The following MYH7 variants were observed in gnomAD, a reference collection of about 807,000 sequenced individuals.
MYH7 encodes the protein myosin-7.
Under a neutral mutation model 225.4 loss-of-function variants are expected in MYH7, and 129 were observed. That is an observed-to-expected ratio of 0.57 (90% CI 0.50 to 0.66). MYH7 has a LOEUF of 0.66. MYH7 is among the 30% of genes least tolerant of loss of function. MYH7 has a pLI of 0.00. For missense variants in MYH7, 1,649 were observed against 2,517.0 expected, an observed-to-expected ratio of 0.66 and a Z score of 7.38; for synonymous variants, 971 against 1,007.6, an observed-to-expected ratio of 0.96 and a Z score of 0.69.
At chr14:23,417,400 A>C in intron 31 of MYH7, 82 bp from the exon 32 acceptor site, 1 of 1,611,670 alleles carries the variant, frequency 6.2e-7, no homozygotes, top group Non-Finnish European at 8.5e-7. Flanking sequence ...GCCTGGGCTC[A>C]GCCCTCCTCC....
intron 28 of MYH7, 66 bp downstream of exon 28, chr14:23,419,417 G>A (rs2138651897): frequency 6.2e-7 from 1 of 1,611,838 alleles, no homozygotes; most frequent in Middle Eastern, 1.8e-4. Context: ...TGTGCCCGAG[G>A]CTGGAGTGGC....
At chr14:23,434,373 G>A (rs2138688496) in intron 1 of MYH7, 124 bp from the exon 2 acceptor site, 1 of 591,134 alleles carries the variant, frequency 1.7e-6, no homozygotes, top group Non-Finnish European at 2.1e-6. Context: ...TGGAAAGGGT[G>A]GTCAGCTTCT....
At position 23,423,835 on chromosome 14, in the gene MYH7, C is replaced by A; in HGVS notation, c.2922+72G>T. On this transcript the variant is annotated intron_variant, in intron 23 of 39. Transcript: ENST00000355349. ...TGCTCTCTGGATGCCGAGTGGCTAGCCTGGGTCAAGGTCAGTATGGTCTGA... is the reference window on the plus strand; with the variant it reads ...TGCTCTCTGGATGCCGAGTGGCTAGACTGGGTCAAGGTCAGTATGGTCTGA... The A allele has an allele frequency of 5.6e-6, 9 of 1,613,534 alleles. No individual in the cohort carries two copies. The South Asian group carries it at 9.9e-5, about 18-fold the overall frequency.
chr14:23,416,135 G>A lies in MYH7; in HGVS notation c.4822C>T (p.Arg1608Cys), dbSNP rs746571601. The change falls in exon 34 of 40, where the codon CGC (arginine) becomes TGC (cysteine). Residue 1608 changes from arginine to cysteine, a missense_variant. Arg to Cys is a radical substitution (Grantham distance 180). This residue lies in a region of MYH7 where 687 missense variants were observed against 913.8 expected (regional missense o/e 0.75). Coordinates refer to ENST00000355349, the MANE Select transcript of MYH7 (RefSeq NM_000257.4). ...TTCTTCACCCTCAGGGCCTCGTTGCGGCTGCGTGTCTCTGCGTCCAGGGAG... is the reference window on the plus strand; with the variant it reads ...TTCTTCACCCTCAGGGCCTCGTTGCAGCTGCGTGTCTCTGCGTCCAGGGAG... ...QTSLDAETRS[R>C]NEALRVKKKM... The A allele has an allele frequency of 6.2e-6, 10 of 1,614,020 alleles. No individual in the cohort carries two copies. Among genetic ancestry groups the A allele is most frequent in the East Asian group, 4.5e-5 (2 of 44,890 alleles).
At chr14:23,416,788 G>T in intron 33 of MYH7, 80 bp downstream of exon 33, 1 of 1,606,576 alleles carries the variant, frequency 6.2e-7, no homozygotes, top group South Asian at 1.1e-5. Context: ...TGAACAAAAC[G>T]GACAAAGCGG....
intron 39 of MYH7, 68 bp downstream of exon 39, chr14:23,413,691 T>A (rs1423475491): frequency 2.5e-6 from 4 of 1,606,568 alleles, no homozygotes; most frequent in Non-Finnish European, 3.4e-6. Context: ...GCATCCCGGG[T>A]TTGAGGGTGC....
rs140581967 is a variant in MYH7, at chr14:23,414,311, G to A, written c.5560-209C>T. Among the ~76,000 whole-genome samples, 313 of 152,244 alleles carry A rather than the reference G, an allele frequency of 2.1e-3. 1 individual carries two copies. The highest frequency in any genetic ancestry group is 6.9e-3 in the African/African-American group (286 of 41,546). On this transcript the variant is annotated intron_variant, in intron 37 of 39. Coordinates refer to ENST00000355349, the MANE Select transcript of MYH7 (RefSeq NM_000257.4). ...AGGAAAGAGTCCAAAGAACTAGTGG[G>A]ACTCCTGAAATTATGCACAAAATTG...
Position 23,418,273 on chromosome 14 carries a change from G to C in MYH7, c.4106C>G (p.Ala1369Gly), listed in dbSNP as rs1595076182. The C allele has an allele frequency of 1.2e-6, 2 of 1,613,624 alleles. No individual in the cohort carries two copies. The highest frequency in any genetic ancestry group is 1.7e-6 in the Non-Finnish European group (2 of 1,180,046). ...CGTCTCATACTTGGTCCTCCACTGGGCCACCTCCGAGTTGGCCTTGGAAAG... is the reference window on the plus strand; with the variant it reads ...CGTCTCATACTTGGTCCTCCACTGGCCCACCTCCGAGTTGGCCTTGGAAAG... ...RVLSKANSEV[A>G]QWRTKYETDA... The change falls in exon 30 of 40, where the codon GCC becomes GGC. Residue 1369 changes from alanine (A) to glycine (G), a missense_variant. Transcript: ENST00000355349.
At chr14:23,434,892 G>A (rs1893083602) in intron 1 of MYH7, among the ~76,000 whole-genome samples, 1 of 151,962 alleles carries the variant, frequency 6.6e-6, no homozygotes, top group Non-Finnish European at 1.5e-5. Flanking sequence ...CTGCTGCTTG[G>A]GCATGCCTCT....
In MYH7 at chr14:23,423,897, C is replaced by T; in HGVS notation, c.2922+10G>A. On this transcript the variant is annotated intron_variant, in intron 23 of 39. Coordinates refer to ENST00000355349, the MANE Select transcript of MYH7 (RefSeq NM_000257.4). Reference sequence around the variant, plus strand: ...AGACCCGGGCTGGAGCCAAAGGGAGCTGCCCTTACCTTGTTCTCTGTTGCG... The same window carrying T: ...AGACCCGGGCTGGAGCCAAAGGGAGTTGCCCTTACCTTGTTCTCTGTTGCG... 4 of 1,613,922 alleles carry T rather than the reference C, an allele frequency of 2.5e-6. No individual in the cohort carries two copies. The highest frequency in any genetic ancestry group is 2.7e-5 in the African/African-American group (2 of 75,050).
intron 1 of MYH7, 122 bp from the exon 2 acceptor site, chr14:23,434,371 G>A (rs1893067779): frequency 1.6e-6 from 1 of 615,508 alleles, no homozygotes. Flanking sequence ...GGTGGAAAGG[G>A]TGGTCAGCTT....
chr14:23,433,497 G>T lies in MYH7; in HGVS notation c.201+35C>A. ...CTCTGTCCACCCAGGTGTACAGGTG[G>T]CCAGGGTGGACTCTCACATCAGCCT... On this transcript the variant is annotated intron_variant, in intron 3 of 39. Transcript: ENST00000355349. The surrounding 1 kb of genome is among the most constrained non-coding windows in gnomAD (Gnocchi z 4.1). 6.2e-7 allele frequency: 1 copy of T among 1,603,628 alleles called. No homozygotes were observed. The highest frequency in any genetic ancestry group is 8.5e-7 in the Non-Finnish European group (1 of 1,172,486).
chr14:23,419,652 G>A (rs752096276), intron 27 of MYH7, 43 bp from the exon 28 acceptor site: 3 of 1,613,792 alleles, frequency 1.9e-6, no homozygotes, highest in South Asian at 2.2e-5. Context: ...TTGGGGGCGG[G>A]GGGAATGAAG....
chr14:23,416,414 G>A, intron 33 of MYH7, 102 bp from the exon 34 acceptor site: 2 of 1,290,898 alleles, frequency 1.5e-6, no homozygotes, highest in Non-Finnish European at 1.1e-6. Context: ...TTCAAGAGTG[G>A]TGTAAGTGGT....
Position 23,418,314 on chromosome 14 carries a change from G to C in MYH7, c.4065C>G (p.Ala1355=). 6.2e-7 allele frequency: 1 copy of C among 1,613,724 alleles called. No homozygotes were observed. Among genetic ancestry groups the C allele is most frequent in the East Asian group, 2.2e-5 (1 of 44,878 alleles). Residue 1355 remains alanine, a synonymous_variant, in exon 30 of 40, where the codon GCC becomes GCG. Transcript: ENST00000355349. Reference sequence around the variant, plus strand: ...CCTTGGAAAGGACGCGCTGCAGCTCGGCCTTGGCCTCCGTCTCCTCCTCGT... The same window carrying C: ...CCTTGGAAAGGACGCGCTGCAGCTCCGCCTTGGCCTCCGTCTCCTCCTCGT... ...EQYEEETEAK[A]ELQRVLSKAN... is the part of the protein sequence containing the mutation.
Position 23,417,334 on chromosome 14 carries a change from G to C in MYH7, c.4354-16C>G. 6 of 1,613,130 alleles carry C rather than the reference G, an allele frequency of 3.7e-6. No individual in the cohort carries two copies. Among genetic ancestry groups the C allele is most frequent in the Non-Finnish European group, 4.2e-6 (5 of 1,180,014 alleles). On this transcript the variant is annotated splice_polypyrimidine_tract_variant and intron_variant, in intron 31 of 39. Transcript: ENST00000355349. ...CGGCCAGGATCTGCCCGGGGACAAG[G>C]CTCACTCTTCAGCCCCCCAGCCTCA...
rs777524474 is a variant in MYH7 at position 23,413,784 on chromosome 14, G to A, written c.5765C>T (p.Ala1922Val). ...CTTCGTGCCAATGTCACGGCTCTTG[G>A]CCCGCAGCTTGTTGACCTGGGACTC... Reference protein sequence around the residue: ...IAESQVNKLRAKSRDIGTKGL... With the variant: ...IAESQVNKLRVKSRDIGTKGL... Residue 1922 changes from alanine to valine, a missense_variant, in exon 39 of 40, where the codon GCC (alanine) becomes GTC (valine). Physicochemically the swap from Ala to Val is moderately conservative, Grantham distance 64. This residue lies in a region of MYH7 where 687 missense variants were observed against 913.8 expected (regional missense o/e 0.75). Coordinates refer to ENST00000355349, the MANE Select transcript of MYH7 (RefSeq NM_000257.4). The A allele has an allele frequency of 2.5e-6, 4 of 1,614,222 alleles. No individual in the cohort carries two copies. Among genetic ancestry groups the A allele is most frequent in the Non-Finnish European group, 2.5e-6 (3 of 1,180,046 alleles).
At chr14:23,434,664 A>G (rs1409670946) in intron 1 of MYH7, among the ~76,000 whole-genome samples, 1 of 152,226 alleles carries the variant, frequency 6.6e-6, no homozygotes, top group Non-Finnish European at 1.5e-5. Context: ...TCGAGGTTAA[A>G]TGGCTTGCTT....
At chr14:23,416,796 C>G in intron 33 of MYH7, 72 bp downstream of exon 33, 1 of 1,609,512 alleles carries the variant, frequency 6.2e-7, no homozygotes, top group Admixed American at 1.7e-5. Flanking sequence ...ACGGACAAAG[C>G]GGGGGATGAG....
Sources: gnomAD v4.1 joint callset for allele counts (sites outside exome capture counted in the v4.1 genomes callset) on GRCh38, gnomAD v4.1.1 for gene constraint, gnomAD v4.1.1 regional missense constraint, Gnocchi (gnomAD v3.1) non-coding constraint, MANE v1.5 for transcripts, NCBI Gene and HGNC (gene_info 2026-07-23, HGNC 2026-07-21) for gene names.